SEMA6B: variants seen among roughly 807,000 people sequenced by gnomAD.
SEMA6B encodes the protein semaphorin-6B.
Under a neutral mutation model 78.6 loss-of-function variants are expected in SEMA6B, and 47 were observed. The observed-to-expected ratio is 0.60, with a 90% confidence interval of 0.47 to 0.76. The LOEUF is 0.76. Among genes scored for constraint, SEMA6B ranks in the 30% least tolerant of loss-of-function variants. SEMA6B has a pLI of 0.00. For synonymous variants in SEMA6B, 632 were observed against 592.2 expected, an observed-to-expected ratio of 1.07 and a Z score of -0.98; for missense variants, 1,213 against 1,269.9, an observed-to-expected ratio of 0.96 and a Z score of 0.68.
intron 5 of SEMA6B, among the ~76,000 whole-genome samples, chr19:4,556,398 G>C (rs2145358713): frequency 6.6e-6 from 1 of 152,200 alleles, no homozygotes; most frequent in South Asian, 2.1e-4. Flanking sequence ...CGATTGGGGT[G>C]GGGCATGGTC....
intron 14 of SEMA6B, among the ~76,000 whole-genome samples, 186 bp downstream of exon 14, chr19:4,547,841 C>T (rs549656474): frequency 9.2e-5 from 14 of 152,212 alleles, no homozygotes; most frequent in Middle Eastern, 3.2e-3. Context: ...CCAGCCACAC[C>T]GGCCACCTTG....
chr19:4,550,272 CCTGGG>C lies in SEMA6B; in HGVS notation c.1122-5_1122-1del. 6.2e-7 allele frequency: 1 copy of C among 1,613,556 alleles called. No individual in the cohort carries two copies. The highest frequency in any genetic ancestry group is 8.5e-7 in the Non-Finnish European group (1 of 1,179,954). The stretch of plus-strand genomic sequence containing the variant: ...TCCCGGGGGCTGCGCAGCACCCGGG[CCTGGG>C]GGTGACAAGGGTGTGGTCAGGACGA... On this transcript the variant is annotated splice_acceptor_variant and splice_polypyrimidine_tract_variant and intron_variant, in intron 11 of 16. Coordinates refer to ENST00000586582, the MANE Select transcript of SEMA6B (RefSeq NM_032108.4). LOFTEE classifies it high-confidence loss of function. The surrounding 1 kb of genome is among the most constrained non-coding windows in gnomAD (Gnocchi z 6.6).
intron 3 of SEMA6B, 151 bp downstream of exon 3, chr19:4,557,875 C>T (rs1977514603): frequency 1.5e-6 from 1 of 666,944 alleles, no homozygotes; most frequent in Non-Finnish European, 2.2e-6. Context: ...CCGTGGCTCC[C>T]ACCTTCCTCC....
chr19:4,543,515 G>T lies in SEMA6B; in HGVS notation c.*86C>A. 1 of 660,430 alleles carries T rather than the reference G, an allele frequency of 1.5e-6. No homozygotes were observed. Among genetic ancestry groups the T allele is most frequent in the Non-Finnish European group, 2.1e-6 (1 of 466,568 alleles). 40.9% of individuals were successfully genotyped at this position (660,430 alleles called of 1,614,324 possible). On this transcript the variant is annotated 3_prime_UTR_variant, in exon 17 of 17. Coordinates refer to ENST00000586582, the MANE Select transcript of SEMA6B (RefSeq NM_032108.4). The stretch of plus-strand genomic sequence containing the variant: ...GGGGGGACTTGAGCACCCACTCGGA[G>T]TTGCCCCGGGCCCCGGCGTTCTGGC...
Position 4,550,730 on chromosome 19 carries a change from C to CCCCAG in SEMA6B, c.1121+64_1121+68dup. 1 of 1,575,112 alleles carries CCCCAG rather than the reference C, an allele frequency of 6.3e-7. No individual in the cohort carries two copies. The highest frequency in any genetic ancestry group is 2.2e-5 in the East Asian group (1 of 44,480). On this transcript the variant is annotated intron_variant, in intron 11 of 16. Coordinates refer to ENST00000586582, the MANE Select transcript of SEMA6B (RefSeq NM_032108.4). This position sits in a 1 kb window ranked among gnomAD's most constrained non-coding sequence, Gnocchi z 6.6. ...CATCAGCTAAATAACCACCCGGAAGCCCCAGCCCTCGGCCCTGGGGATCAG... is the reference window on the plus strand; with the variant it reads ...CATCAGCTAAATAACCACCCGGAAGCCCCAGCCCAGCCCTCGGCCCTGGGGATCAG...
rs564226767 is a variant in SEMA6B at position 4,552,168 on chromosome 19, C to A, written c.989+254G>T. 1.4e-4 allele frequency among the ~76,000 whole-genome samples: 21 copies of A among 152,182 alleles called. No homozygotes were observed. Among genetic ancestry groups the A allele is most frequent in the Non-Finnish European group, 2.1e-4 (14 of 68,030 alleles). On this transcript the variant is annotated intron_variant, in intron 10 of 16. Transcript: ENST00000586582. This position sits in a 1 kb window ranked among gnomAD's most constrained non-coding sequence, Gnocchi z 7.4. ...CACCCAAAGTCCAGCTCCAATGTCCCCTCCTCCAGGAAGCCCTCCCTGCTC... is the reference window on the plus strand; with the variant it reads ...CACCCAAAGTCCAGCTCCAATGTCCACTCCTCCAGGAAGCCCTCCCTGCTC...
rs764696066 is a variant in SEMA6B, at chr19:4,550,298, G to C, written c.1122-26C>G. 1.2e-5 allele frequency: 19 copies of C among 1,612,542 alleles called. No homozygotes were observed. The South Asian group carries it at 1.9e-4, about 16-fold the overall frequency. On this transcript the variant is annotated intron_variant, in intron 11 of 16. Coordinates refer to ENST00000586582, the MANE Select transcript of SEMA6B (RefSeq NM_032108.4). This position sits in a 1 kb window ranked among gnomAD's most constrained non-coding sequence, Gnocchi z 6.6. The stretch of plus-strand genomic sequence containing the variant: ...CTGGGGGTGACAAGGGTGTGGTCAG[G>C]ACGAACGTAAAGGTTCTCATAAAGG...
Position 4,543,199 on chromosome 19 carries a change from C to T in SEMA6B, c.*402G>A, listed in dbSNP as rs1977065231. 1 of 579,802 alleles carries T rather than the reference C, an allele frequency of 1.7e-6. No individual in the cohort carries two copies. Among genetic ancestry groups the T allele is most frequent in the South Asian group, 2.1e-5 (1 of 46,916 alleles). The allele number at this position is 579,802 out of a possible 1,614,324, so 35.9% of individuals were successfully genotyped here. ...GGACCTTTCCAGGGGTGGGGGAGGG[C>T]TTAGGTCTGCAGCTGTGGCCCCCCA... is the stretch of plus-strand genomic sequence containing the variant. On this transcript the variant is annotated 3_prime_UTR_variant, in exon 17 of 17. Transcript: ENST00000586582.
rs1431200542 is a variant in SEMA6B, at chr19:4,543,672, G to T, written c.2596C>A (p.Arg866=). ...PGDRHRGCHA[R]PGTDLAHLLP... is the part of the protein sequence containing the mutation. ...AGGTGGGCCAAGTCTGTGCCCGGCCGGGCGTGGCAGCCGCGGTGGCGGTCC... is the reference window on the plus strand; with the variant it reads ...AGGTGGGCCAAGTCTGTGCCCGGCCTGGCGTGGCAGCCGCGGTGGCGGTCC... The change falls in exon 17 of 17, where the codon CGG becomes AGG. Residue 866 remains arginine, a synonymous_variant. Transcript: ENST00000586582. The T allele has an allele frequency of 8.1e-7, 1 of 1,230,860 alleles. No homozygotes were observed. Among genetic ancestry groups the T allele is most frequent in the African/African-American group, 1.6e-5 (1 of 64,462 alleles). The allele number at this position is 1,230,860 out of a possible 1,614,324, so 76.2% of individuals were successfully genotyped here.
rs889733575 is a variant in SEMA6B at position 4,550,434 on chromosome 19, G to A, written c.1122-162C>T. Among the ~76,000 whole-genome samples the A allele has an allele frequency of 7.2e-5, 11 of 152,022 alleles. No homozygotes were observed. Among genetic ancestry groups the A allele is most frequent in the East Asian group, 5.8e-4 (3 of 5,186 alleles). Reference sequence around the variant, plus strand: ...CTGTCGCCCAGGCTGGAGTGCTTTGGCTCACTGCAACCTCCACCTCCTGGG... The same window carrying A: ...CTGTCGCCCAGGCTGGAGTGCTTTGACTCACTGCAACCTCCACCTCCTGGG... On this transcript the variant is annotated intron_variant, in intron 11 of 16. Coordinates refer to ENST00000586582, the MANE Select transcript of SEMA6B (RefSeq NM_032108.4). This position sits in a 1 kb window ranked among gnomAD's most constrained non-coding sequence, Gnocchi z 6.6.
In SEMA6B at chr19:4,542,693, G is replaced by A; in HGVS notation, c.*908C>T. On this transcript the variant is annotated 3_prime_UTR_variant, in exon 17 of 17. Coordinates refer to ENST00000586582, the MANE Select transcript of SEMA6B (RefSeq NM_032108.4). ...AGCCACGTGGCATGCATGGTCAGCT[G>A]GAGGTCAGAGGGGGGAGGTCACAAG... 1.5e-6 allele frequency: 1 copy of A among 659,890 alleles called. No homozygotes were observed. The highest frequency in any genetic ancestry group is 2.8e-6 in the Non-Finnish European group (1 of 359,486). 40.9% of individuals were successfully genotyped at this position (659,890 alleles called of 1,614,324 possible).
chr19:4,556,111 G>T, intron 5 of SEMA6B, 22 bp from the exon 6 acceptor site: 1 of 1,565,026 alleles, frequency 6.4e-7, no homozygotes, highest in Non-Finnish European at 8.8e-7. Flanking sequence ...ACAGGAGGAA[G>T]CGGGGAGCGC....
chr19:4,542,685 G>T lies in SEMA6B; in HGVS notation c.*916C>A. 1 of 647,448 alleles carries T rather than the reference G, an allele frequency of 1.5e-6. No homozygotes were observed. Among genetic ancestry groups the T allele is most frequent in the Non-Finnish European group, 2.8e-6 (1 of 352,462 alleles). The allele number at this position is 647,448 out of a possible 1,614,324, so 40.1% of individuals were successfully genotyped here. On this transcript the variant is annotated 3_prime_UTR_variant, in exon 17 of 17. Transcript: ENST00000586582. ...ACCCAGCCAGCCACGTGGCATGCAT[G>T]GTCAGCTGGAGGTCAGAGGGGGGAG...
intron 3 of SEMA6B, 97 bp downstream of exon 3, chr19:4,557,929 C>G (rs780932510): frequency 3.6e-5 from 39 of 1,095,368 alleles, no homozygotes; most frequent in Non-Finnish European, 4.5e-5. Context: ...AGGCCCTGCA[C>G]GACCTGCTCC....
chr19:4,547,888 G>A (rs1344192429), intron 14 of SEMA6B, 139 bp downstream of exon 14: 11 of 1,090,744 alleles, frequency 1.0e-5, no homozygotes, highest in East Asian at 5.4e-5. Context: ...TCCTGCCCGC[G>A]GGCCTTTGCA....
chr19:4,550,445 C>G lies in SEMA6B; in HGVS notation c.1122-173G>C, dbSNP rs540766203. On this transcript the variant is annotated intron_variant, in intron 11 of 16. Coordinates refer to ENST00000586582, the MANE Select transcript of SEMA6B (RefSeq NM_032108.4). This position sits in a 1 kb window ranked among gnomAD's most constrained non-coding sequence, Gnocchi z 6.6. ...GCTGGAGTGCTTTGGCTCACTGCAA[C>G]CTCCACCTCCTGGGTTCAAGCGATT... is the stretch of plus-strand genomic sequence containing the variant. 3.3e-5 allele frequency among the ~76,000 whole-genome samples: 5 copies of G among 152,196 alleles called. No homozygotes were observed. The South Asian group carries it at 8.3e-4, about 25-fold the overall frequency.
rs1977436184 is a variant in SEMA6B at position 4,555,233 on chromosome 19, TC to T, written c.563-139del. 7 of 977,156 alleles carry T rather than the reference TC, an allele frequency of 7.2e-6. No individual in the cohort carries two copies. Among genetic ancestry groups the T allele is most frequent in the Non-Finnish European group, 1.0e-5 (7 of 668,256 alleles). 60.5% of individuals were successfully genotyped at this position (977,156 alleles called of 1,614,324 possible). ...GTCTCCAGGCTGAGCCCTGATCCCA[TC>T]CAAGCCCCACCTCCATCCAAGCCCT... On this transcript the variant is annotated intron_variant, in intron 7 of 16. Coordinates refer to ENST00000586582, the MANE Select transcript of SEMA6B (RefSeq NM_032108.4). This position sits in a 1 kb window ranked among gnomAD's most constrained non-coding sequence, Gnocchi z 6.1.
At chr19:4,557,035 G>GA in intron 4 of SEMA6B, 22 bp from the exon 5 acceptor site, 2 of 1,610,910 alleles carry the variant, frequency 1.2e-6, no homozygotes, top group Non-Finnish European at 1.7e-6. Context: ...GAGAGCTGGT[G>GA]AGGGGGTAAC....
Position 4,548,051 on chromosome 19 carries a change from C to A in SEMA6B, c.1577G>T (p.Cys526Phe). Residue 526 changes from cysteine (C) to phenylalanine (F), a missense_variant, in exon 14 of 17, where the codon TGC becomes TTC. Coordinates refer to ENST00000586582, the MANE Select transcript of SEMA6B (RefSeq NM_032108.4). Reference protein sequence around the residue: ...RCVVRVPVARCQQYSGCMKNC... With the variant: ...RCVVRVPVARFQQYSGCMKNC... The stretch of plus-strand genomic sequence containing the variant: ...CTTCATACACCCCGAGTACTGCTGG[C>A]AGCGAGCCACAGGCACTCGGACCAC... 1 of 1,572,530 alleles carries A rather than the reference C, an allele frequency of 6.4e-7. No individual in the cohort carries two copies. Among genetic ancestry groups the A allele is most frequent in the Admixed American group, 1.7e-5 (1 of 58,020 alleles).
Sources: gnomAD v4.1 joint callset for allele counts (sites outside exome capture counted in the v4.1 genomes callset) on GRCh38, gnomAD v4.1.1 for gene constraint, Gnocchi (gnomAD v3.1) non-coding constraint, MANE v1.5 for transcripts, NCBI Gene and HGNC (gene_info 2026-07-23, HGNC 2026-07-21) for gene names.